Variants in NRF1 observed in about 807,000 individuals in gnomAD.
NRF1 encodes alpha palindromic-binding protein.
In NRF1, 5 loss-of-function variants were observed where a neutral mutation model predicts 58.5. The ratio of observed to expected loss-of-function variants is 0.09; its 90% CI spans 0.04 to 0.18. The LOEUF (loss-of-function observed/expected upper bound fraction) is 0.18. Ranked by LOEUF, NRF1 falls within the 10% of genes least tolerant of loss-of-function variation. NRF1 has a pLI of 1.00. For missense variants in NRF1, 288 were observed against 657.7 expected (o/e 0.44, Z 6.15); for synonymous variants, 224 against 246.7 (o/e 0.91, Z 0.86).
intron 9 of NRF1, among the ~76,000 whole-genome samples, 161 bp downstream of exon 9, chr7:129,717,537 C>T (rs1321576554): frequency 6.6e-6 from 1 of 152,208 alleles, no homozygotes; most frequent in Middle Eastern, 3.2e-3. Flanking sequence ...TATAATAGGT[C>T]AGTCCTTACC....
At chr7:129,745,109 G>A (rs886378539) in intron 10 of NRF1, among the ~76,000 whole-genome samples, 11 of 152,178 alleles carry the variant, frequency 7.2e-5, no homozygotes, top group African/African-American at 2.7e-4. Flanking sequence ...GCACCTGACT[G>A]TTGCAGGCTC....
chr7:129,677,377 A>G (rs1224240803), intron 3 of NRF1, among the ~76,000 whole-genome samples: 2 of 152,206 alleles, frequency 1.3e-5, no homozygotes, highest in African/African-American at 4.8e-5. Flanking sequence ...AAGAAGAATG[A>G]TACCATGTTC....
chr7:129,682,861 GATA>G (rs1334291413), intron 4 of NRF1, among the ~76,000 whole-genome samples: 6 of 228 alleles, frequency 0.026, no homozygotes, highest in Non-Finnish European at 0.054. Context: ...CTTACAAGGG[GATA>G]AATATATCAT....
chr7:129,640,265 C>T (rs1002987528), intron 1 of NRF1, among the ~76,000 whole-genome samples: 2 of 152,098 alleles, frequency 1.3e-5, no homozygotes, highest in Non-Finnish European at 2.9e-5. Context: ...GCCTGTAATC[C>T]AAGTACTTTA....
intron 1 of NRF1, among the ~76,000 whole-genome samples, chr7:129,623,333 A>G (rs1390647520): frequency 6.6e-6 from 1 of 151,656 alleles, no homozygotes; most frequent in African/African-American, 2.4e-5. Flanking sequence ...CAGCACGTGA[A>G]GTATTAGTAG....
chr7:129,687,386 C>G (rs1802466205), intron 4 of NRF1, among the ~76,000 whole-genome samples: 1 of 152,008 alleles, frequency 6.6e-6, no homozygotes, highest in Non-Finnish European at 1.5e-5. Flanking sequence ...AGCAATTCTC[C>G]TACCTCAGCC....
chr7:129,723,799 G>A (rs1461144398), intron 9 of NRF1, among the ~76,000 whole-genome samples: 1 of 152,188 alleles, frequency 6.6e-6, no homozygotes. Context: ...ACTATACACT[G>A]TTTTGATTAC....
At chr7:129,626,339 A>G (rs1426109282) in intron 1 of NRF1, among the ~76,000 whole-genome samples, 1 of 152,158 alleles carries the variant, frequency 6.6e-6, no homozygotes, top group African/African-American at 2.4e-5. Context: ...TACAGGCTGC[A>G]GTGGCTCCGA....
At chr7:129,620,104 C>T (rs1413590618) in intron 1 of NRF1, among the ~76,000 whole-genome samples, 1 of 152,096 alleles carries the variant, frequency 6.6e-6, no homozygotes, top group Non-Finnish European at 1.5e-5. Flanking sequence ...TGTTCGTTGG[C>T]TGAAATCAGT....
chr7:129,705,099 GA>G (rs1802917436), intron 5 of NRF1, among the ~76,000 whole-genome samples: 1 of 152,134 alleles, frequency 6.6e-6, no homozygotes, highest in South Asian at 2.1e-4. Flanking sequence ...CAAAAGTTAT[GA>G]ATACTGGAGA....
chr7:129,661,649 C>T (rs1230683671), intron 2 of NRF1, among the ~76,000 whole-genome samples: 3 of 150,982 alleles, frequency 2.0e-5, no homozygotes, highest in African/African-American at 7.4e-5. Context: ...ACCACATCAA[C>T]CTGGACTTTA....
At chr7:129,692,586 A>G (rs1802596098) in intron 5 of NRF1, among the ~76,000 whole-genome samples, 1 of 152,166 alleles carries the variant, frequency 6.6e-6, no homozygotes, top group South Asian at 2.1e-4. Flanking sequence ...GAATGAATGA[A>G]TAAATTTATT....
chr7:129,645,231 T>A (rs532038208), intron 1 of NRF1, among the ~76,000 whole-genome samples: 1 of 152,336 alleles, frequency 6.6e-6, no homozygotes, highest in East Asian at 1.9e-4. Flanking sequence ...TTCTGTTATT[T>A]TCCTTCATTT....
At chr7:129,627,215 TTAA>T (rs1459332718) in intron 1 of NRF1, among the ~76,000 whole-genome samples, 1 of 152,130 alleles carries the variant, frequency 6.6e-6, no homozygotes, top group African/African-American at 2.4e-5. Flanking sequence ...CTTTTGTTAA[TTAA>T]TTAATTTTTT....
At chr7:129,649,115 G>C (rs1187036474) in intron 1 of NRF1, among the ~76,000 whole-genome samples, 1 of 152,142 alleles carries the variant, frequency 6.6e-6, no homozygotes, top group Non-Finnish European at 1.5e-5. Context: ...GACTTGAGCT[G>C]TGGAATTGTT....
At chr7:129,739,529 T>C (rs1803798380) in intron 10 of NRF1, among the ~76,000 whole-genome samples, 2 of 142,386 alleles carry the variant, frequency 1.4e-5, no homozygotes, top group Admixed American at 1.5e-4. Flanking sequence ...ATAAACAGCA[T>C]GGCTTTGCTT....
At chr7:129,623,599 A>G (rs911350346) in intron 1 of NRF1, among the ~76,000 whole-genome samples, 1 of 152,024 alleles carries the variant, frequency 6.6e-6, no homozygotes, top group Admixed American at 6.6e-5. Flanking sequence ...GTGTAACCCA[A>G]TTTTCCTGCC....
chr7:129,685,146 C>T (rs1802415251), intron 4 of NRF1, among the ~76,000 whole-genome samples: 1 of 152,138 alleles, frequency 6.6e-6, no homozygotes, highest in African/African-American at 2.4e-5. Context: ...GAGACCTTCC[C>T]AAAGACTCTT....
intron 9 of NRF1, among the ~76,000 whole-genome samples, chr7:129,723,579 A>T (rs1803384380): frequency 6.6e-6 from 1 of 152,244 alleles, no homozygotes; most frequent in Non-Finnish European, 1.5e-5. Flanking sequence ...AATACTTTAA[A>T]GCACTTTAAA....
Sources: gnomAD v4.1 joint callset for allele counts (sites outside exome capture counted in the v4.1 genomes callset) on GRCh38, gnomAD v4.1.1 for gene constraint, MANE v1.5 for transcripts, NCBI Gene and HGNC (gene_info 2026-07-23, HGNC 2026-07-21) for gene names.